Variants in RINT1 observed in about 807,000 individuals in gnomAD.
The protein encoded by RINT1 is RAD50 interactor 1.
RINT1 carries 75 observed loss-of-function variants against 97.7 expected under a neutral mutation model. The observed-to-expected ratio is 0.77, with a 90% CI of 0.64 to 0.93. RINT1 has a LOEUF of 0.93. Among genes scored for constraint, RINT1 ranks in the 40% least tolerant of loss-of-function variants. RINT1 has a pLI of 0.00. For missense variants in RINT1, 892 were observed against 925.2 expected, an observed-to-expected ratio of 0.96 and a Z score of 0.47; for synonymous variants, 303 against 326.3, an observed-to-expected ratio of 0.93 and a Z score of 0.77.
Position 105,539,533 on chromosome 7 carries a change from T to C in RINT1, c.273+2784T>C, listed in dbSNP as rs57293912. ...GTGCCACCACGCTCGGCTAATTTTG[T>C]ATTTTTGGTAGAGATGGGGTTTCTC... On this transcript the variant is annotated intron_variant, in intron 3 of 14. Coordinates refer to ENST00000257700, the MANE Select transcript of RINT1 (RefSeq NM_021930.6). 6.4e-3 allele frequency among the ~76,000 whole-genome samples: 970 copies of C among 152,186 alleles called. 15 individuals carry two copies. Among genetic ancestry groups the C allele is most frequent in the African/African-American group, 0.022 (907 of 41,516 alleles).
chr7:105,553,797 T>G (rs1229649914), intron 10 of RINT1, among the ~76,000 whole-genome samples: 1 of 137,350 alleles, frequency 7.3e-6, no homozygotes, highest in Non-Finnish European at 1.6e-5. Context: ...CTCGGCTCAC[T>G]GCAAGCTCCA....
chr7:105,566,203 G>C (rs564208358), intron 14 of RINT1: 2 of 151,698 alleles, frequency 1.3e-5, no homozygotes, highest in Non-Finnish European at 2.9e-5. Context: ...ATGTGAACCC[G>C]GGAGGCGGAG....
intron 10 of RINT1, among the ~76,000 whole-genome samples, chr7:105,554,411 T>C (rs1586249182): frequency 6.6e-6 from 1 of 151,518 alleles, no homozygotes; most frequent in South Asian, 2.1e-4. Flanking sequence ...TGTTTATTTG[T>C]GTTGAAGAAA....
chr7:105,539,507 T>C (rs905476359), intron 3 of RINT1, among the ~76,000 whole-genome samples: 1 of 152,156 alleles, frequency 6.6e-6, no homozygotes, highest in Admixed American at 6.6e-5. Context: ...ATTATAGGCA[T>C]GTGCCACCAC....
At chr7:105,545,231 G>A (rs909559586) in intron 4 of RINT1, among the ~76,000 whole-genome samples, 1 of 151,606 alleles carries the variant, frequency 6.6e-6, no homozygotes, top group Non-Finnish European at 1.5e-5. Flanking sequence ...TGGGCAGATC[G>A]CTTGAGCTCT....
intron 2 of RINT1, among the ~76,000 whole-genome samples, chr7:105,535,230 T>C (rs765653335): frequency 4.4e-5 from 4 of 90,216 alleles, no homozygotes; most frequent in Admixed American, 1.1e-4. Flanking sequence ...CTTAAAAACC[T>C]TTTTTTTTTT....
In RINT1 at chr7:105,563,768, G is replaced by A; in HGVS notation, c.1707G>A (p.Val569=). 1 of 1,614,162 alleles carries A rather than the reference G, an allele frequency of 6.2e-7. No homozygotes were observed. Among genetic ancestry groups the A allele is most frequent in the Non-Finnish European group, 8.5e-7 (1 of 1,180,002 alleles). The stretch of plus-strand genomic sequence containing the variant: ...AACTTCAACAGGCTGCACTGGAGGT[G>A]TTTGCAGAGAATAATACTCTGAGTA... ...FLQLQQAALE[V]FAENNTLSKL... is the part of the protein sequence containing the mutation. The change falls in exon 12 of 15, where the codon GTG becomes GTA. Residue 569 remains valine, a synonymous_variant. Coordinates refer to ENST00000257700, the MANE Select transcript of RINT1 (RefSeq NM_021930.6).
In RINT1 at chr7:105,550,046, CT is replaced by C; in HGVS notation, c.997-7del. ...CTTAAGAATTCAAACTATTTTCCTC[CT>C]TCCTTAGCCAGAATGGTACTTGGCT... On this transcript the variant is annotated splice_region_variant and splice_polypyrimidine_tract_variant and intron_variant, in intron 7 of 14. Transcript: ENST00000257700. 1 of 1,555,638 alleles carries C rather than the reference CT, an allele frequency of 6.4e-7. No homozygotes were observed. Among genetic ancestry groups the C allele is most frequent in the Admixed American group, 1.8e-5 (1 of 55,290 alleles).
chr7:105,543,055 T>C (rs1333450156), intron 4 of RINT1, among the ~76,000 whole-genome samples: 1 of 151,928 alleles, frequency 6.6e-6, no homozygotes, highest in Non-Finnish European at 1.5e-5. Context: ...TGGCTAATTT[T>C]TTTTTTTGGT....
At chr7:105,538,130 C>A (rs1790319775) in intron 3 of RINT1, among the ~76,000 whole-genome samples, 1 of 151,564 alleles carries the variant, frequency 6.6e-6, no homozygotes. Flanking sequence ...GTAGCTGGGA[C>A]TACAGGCACG....
At chr7:105,535,772 A>C in intron 2 of RINT1, 1 of 308,932 alleles carries the variant, frequency 3.2e-6, no homozygotes, top group South Asian at 2.6e-5. Context: ...TTCTGGGCTC[A>C]AGTGATCCTC....
chr7:105,554,841 A>G (rs571235292), intron 10 of RINT1, among the ~76,000 whole-genome samples, 187 bp from the exon 11 acceptor site: 2 of 152,180 alleles, frequency 1.3e-5, no homozygotes, highest in Non-Finnish European at 2.9e-5. Context: ...GTATTGTTCA[A>G]TGAGTTTTGG....
intron 4 of RINT1, among the ~76,000 whole-genome samples, chr7:105,543,411 T>A (rs980572743): frequency 2.6e-5 from 4 of 152,186 alleles, no homozygotes; most frequent in African/African-American, 9.7e-5. Context: ...TTCTGCTACC[T>A]CTGGGTAGGA....
chr7:105,545,292 AAAAAAAAAAATC>A (rs1292469603), intron 4 of RINT1, among the ~76,000 whole-genome samples: 1 of 151,274 alleles, frequency 6.6e-6, no homozygotes, highest in Non-Finnish European at 1.5e-5. Flanking sequence ...CTCTGTTTAA[AAAAAAAAAAATC>A]AGCCAGGCTT....
chr7:105,547,032 T>C lies in RINT1; in HGVS notation c.638T>C (p.Met213Thr). 1.2e-6 allele frequency: 2 copies of C among 1,613,992 alleles called. No individual in the cohort carries two copies. The highest frequency in any genetic ancestry group is 1.7e-6 in the Non-Finnish European group (2 of 1,179,876). Residue 213 changes from methionine (M) to threonine (T), a missense_variant, in exon 5 of 15, where the codon ATG becomes ACG. Coordinates refer to ENST00000257700, the MANE Select transcript of RINT1 (RefSeq NM_021930.6). ...ESSCTHLLGF[M>T]RATVKFWHKI... ...TCTTGTACTCATCTTCTTGGTTTCA[T>C]GAGAGCCACAGTTAAATTCTGGCAT...
chr7:105,566,761 T>C (rs1791769371), intron 14 of RINT1: 1 of 156,406 alleles, frequency 6.4e-6, no homozygotes, highest in African/African-American at 2.4e-5. Context: ...TAAAATTTAT[T>C]TTAATGTTCT....
chr7:105,566,930 A>C (rs1305780519), intron 14 of RINT1, 189 bp from the exon 15 acceptor site: 1 of 384,076 alleles, frequency 2.6e-6, no homozygotes, highest in Non-Finnish European at 4.6e-6. Flanking sequence ...ATAGTAATCT[A>C]AAGAAATAGC....
chr7:105,558,303 A>AAAT (rs1791275675), intron 11 of RINT1, among the ~76,000 whole-genome samples: 1 of 151,778 alleles, frequency 6.6e-6, no homozygotes, highest in Non-Finnish European at 1.5e-5. Flanking sequence ...CAAAAAAAAA[A>AAAT]AAAAAATAAA....
At chr7:105,537,771 G>A (rs2133361092) in intron 3 of RINT1, among the ~76,000 whole-genome samples, 1 of 151,928 alleles carries the variant, frequency 6.6e-6, no homozygotes, top group South Asian at 2.1e-4. Flanking sequence ...AGGAGGCGGA[G>A]TTTGCTGTGA....
Sources: allele counts gnomAD v4.1 joint callset (sites outside exome capture counted in the v4.1 genomes callset), GRCh38; gene constraint gnomAD v4.1.1; transcripts MANE v1.5; gene names NCBI Gene and HGNC (gene_info 2026-07-23, HGNC 2026-07-21).